RAD50: variants seen among roughly 807,000 people sequenced by gnomAD.
RAD50 encodes DNA repair protein RAD50.
In RAD50, 132 loss-of-function variants were observed where a neutral mutation model predicts 168.8. The ratio of observed to expected loss-of-function variants is 0.78; its 90% CI spans 0.68 to 0.90. The LOEUF (loss-of-function observed/expected upper bound fraction) is 0.90. Ranked by LOEUF, RAD50 falls within the 40% of genes least tolerant of loss-of-function variation. The pLI, the probability that RAD50 is intolerant of heterozygous loss-of-function variation, is 0.00. For synonymous variants in RAD50, 525 were observed against 497.4 expected, an observed-to-expected ratio of 1.06 and a Z score of -0.74; for missense variants, 1,347 against 1,534.4, an observed-to-expected ratio of 0.88 and a Z score of 2.04.
chr5:132,626,870 CTT>C (rs986071116), intron 21 of RAD50, among the ~76,000 whole-genome samples: 1 of 148,732 alleles, frequency 6.7e-6, no homozygotes, highest in African/African-American at 2.5e-5. Flanking sequence ...TGGCCCCCTG[CTT>C]TTTTTTTTAT....
At chr5:132,570,270 G>A (rs1003748153) in intron 2 of RAD50, among the ~76,000 whole-genome samples, 1 of 151,376 alleles carries the variant, frequency 6.6e-6, no homozygotes, top group Admixed American at 6.6e-5. Flanking sequence ...ACAAGAAAAT[G>A]GGGGGGGAAA....
intron 11 of RAD50, among the ~76,000 whole-genome samples, chr5:132,593,995 G>T (rs978076526): frequency 2.0e-5 from 3 of 152,312 alleles, no homozygotes; most frequent in Non-Finnish European, 4.4e-5. Flanking sequence ...GGTAGAGTAA[G>T]ATGAAGACTG....
intron 10 of RAD50, among the ~76,000 whole-genome samples, 197 bp downstream of exon 10, chr5:132,591,603 A>T (rs903758941): frequency 1.3e-5 from 2 of 152,180 alleles, no homozygotes; most frequent in African/African-American, 2.4e-5. Context: ...ACAGAAATGT[A>T]TATATATGTA....
At chr5:132,595,468 A>G in intron 12 of RAD50, 105 bp from the exon 13 acceptor site, 1 of 684,936 alleles carries the variant, frequency 1.5e-6, no homozygotes, top group Non-Finnish European at 2.3e-6. Context: ...TATATTTATA[A>G]AGCAAGAATA....
intron 16 of RAD50, among the ~76,000 whole-genome samples, chr5:132,608,160 G>A (rs1744813800): frequency 6.6e-6 from 1 of 152,214 alleles, no homozygotes; most frequent in Non-Finnish European, 1.5e-5. Context: ...GTTTTCATCT[G>A]AAAAAGAAAA....
chr5:132,586,196 A>G (rs73787022), intron 5 of RAD50, among the ~76,000 whole-genome samples: 2,201 of 152,286 alleles, frequency 0.014, 52 homozygotes, highest in African/African-American at 0.051. Context: ...ACTTTCTTAC[A>G]TACAAATGTC....
rs1197663749 is a variant in RAD50, at chr5:132,643,576, C to T, written c.*1212C>T. On this transcript the variant is annotated 3_prime_UTR_variant, in exon 25 of 25. Transcript: ENST00000378823. ...AGCCCTAAGGTCCTAAGGCATCTAT[C>T]TGTGCTAGGTTAAATGGTTGGCCCC... 8 of 232,302 alleles carry T rather than the reference C, an allele frequency of 3.4e-5. No homozygotes were observed. In the East Asian group the frequency reaches 4.9e-4, roughly 14 times the overall value. 14.4% of individuals were successfully genotyped at this position (232,302 alleles called of 1,614,324 possible).
At chr5:132,597,382 A>G (rs1750810116) in intron 13 of RAD50, among the ~76,000 whole-genome samples, 1 of 152,198 alleles carries the variant, frequency 6.6e-6, no homozygotes, top group Non-Finnish European at 1.5e-5. Context: ...AAGTGATAGC[A>G]TGGCCTTTCC....
At position 132,603,285 on chromosome 5, in the gene RAD50, G is replaced by A. The variant is rs763068550; in HGVS notation, c.2208-15G>A. On this transcript the variant is annotated splice_polypyrimidine_tract_variant and intron_variant, in intron 13 of 24. Coordinates refer to ENST00000378823, the MANE Select transcript of RAD50 (RefSeq NM_005732.4). ...AACATCAGATACTTTATTTTTAATTGTGTTTTCTATTTAGGCAAAGCATAA... is the reference window on the plus strand; with the variant it reads ...AACATCAGATACTTTATTTTTAATTATGTTTTCTATTTAGGCAAAGCATAA... The A allele has an allele frequency of 3.8e-6, 6 of 1,594,202 alleles. No individual in the cohort carries two copies. The East Asian group carries it at 1.1e-4, about 30-fold the overall frequency.
chr5:132,607,148 GA>G (rs753339926), intron 16 of RAD50, among the ~76,000 whole-genome samples: 1 of 152,234 alleles, frequency 6.6e-6, no homozygotes, highest in African/African-American at 2.4e-5. Flanking sequence ...ATTTCTGGAA[GA>G]AGGAGTTTGC....
At position 132,641,354 on chromosome 5, in the gene RAD50, T is replaced by C. The variant is rs2240031; in HGVS notation, c.3752+549T>C. Among the ~76,000 whole-genome samples, 501 of 152,216 alleles carry C rather than the reference T, an allele frequency of 3.3e-3. 6 individuals carry two copies. Among genetic ancestry groups the C allele is most frequent in the East Asian group, 0.032 (168 of 5,174 alleles). On this transcript the variant is annotated intron_variant, in intron 24 of 24. Transcript: ENST00000378823. Reference sequence around the variant, plus strand: ...AGACGCCAAGGTTGTCAAGCAGCTCTTGCATAAGGACTATGCTGGCAGAGA... The same window carrying C: ...AGACGCCAAGGTTGTCAAGCAGCTCCTGCATAAGGACTATGCTGGCAGAGA...
In RAD50 at chr5:132,638,230, A is replaced by G. The variant is rs1060504399; in HGVS notation, c.3618+7A>G. 1.2e-6 allele frequency: 2 copies of G among 1,614,160 alleles called. No individual in the cohort carries two copies. Among genetic ancestry groups the G allele is most frequent in the African/African-American group, 2.7e-5 (2 of 75,058 alleles). On this transcript the variant is annotated splice_region_variant and intron_variant, in intron 23 of 24. Transcript: ENST00000378823. ...ATGCAGTGCTGGACAAAAGGCAGGT[A>G]TCTCAAAAGCCTGGGGAGCCAACTC...
intron 21 of RAD50, among the ~76,000 whole-genome samples, chr5:132,636,049 A>G (rs1160419940): frequency 2.0e-5 from 3 of 152,220 alleles, no homozygotes; most frequent in Admixed American, 2.0e-4. Context: ...AAATGATTCT[A>G]CAGAGGCAGT....
At chr5:132,612,977 G>A (rs1376613383) in intron 19 of RAD50, among the ~76,000 whole-genome samples, 1 of 151,998 alleles carries the variant, frequency 6.6e-6, no homozygotes, top group African/African-American at 2.4e-5. Flanking sequence ...GCCAGCACTG[G>A]ATGGACTGCA....
intron 2 of RAD50, among the ~76,000 whole-genome samples, chr5:132,563,155 G>T (rs374175858): frequency 1.4e-5 from 2 of 138,850 alleles, no homozygotes; most frequent in African/African-American, 6.9e-5. Flanking sequence ...GGAAAGTTTT[G>T]TTGTTGTTGT....
At chr5:132,583,097 TATCC>T (rs1361341080) in intron 5 of RAD50, among the ~76,000 whole-genome samples, 1 of 152,236 alleles carries the variant, frequency 6.6e-6, no homozygotes, top group Non-Finnish European at 1.5e-5. Flanking sequence ...TGCTCTTAAG[TATCC>T]ATCCAGTTAT....
chr5:132,619,783 CCTCTCTCT>C (rs550575815), intron 21 of RAD50, among the ~76,000 whole-genome samples: 21 of 125,724 alleles, frequency 1.7e-4, no homozygotes, highest in Non-Finnish European at 2.6e-4. Context: ...CTTCCCTACT[CCTCTCTCT>C]CTCTCTCTCT....
chr5:132,608,660 T>A lies in RAD50; in HGVS notation c.2764T>A (p.Phe922Ile), dbSNP rs876660348. The stretch of plus-strand genomic sequence containing the variant: ...CCCTTTGGAAACAACATTGGAAAAG[T>A]TCCAGCAAGAAAAAGAAGAATTAAT... The part of the protein sequence containing the change: ...VSPLETTLEK[F>I]QQEKEELINK... Residue 922 changes from phenylalanine to isoleucine, a missense_variant, in exon 17 of 25, where the codon TTC (phenylalanine) becomes ATC (isoleucine). By Grantham distance (21) the Phe-to-Ile change is conservative. Transcript: ENST00000378823. 1 of 1,600,610 alleles carries A rather than the reference T, an allele frequency of 6.2e-7. No individual in the cohort carries two copies. Among genetic ancestry groups the A allele is most frequent in the Admixed American group, 1.7e-5 (1 of 59,440 alleles).
intron 2 of RAD50, among the ~76,000 whole-genome samples, chr5:132,568,014 C>G (rs1164178688): frequency 1.3e-5 from 2 of 151,966 alleles, no homozygotes; most frequent in East Asian, 1.9e-4. Context: ...TGAGTAGAAG[C>G]AGATCCAGAG....
Sources: allele counts gnomAD v4.1 joint callset (sites outside exome capture counted in the v4.1 genomes callset), GRCh38; gene constraint gnomAD v4.1.1; transcripts MANE v1.5; gene names NCBI Gene and HGNC (gene_info 2026-07-23, HGNC 2026-07-21).